The following NDRG4 variants were observed in gnomAD, a reference collection of about 807,000 sequenced individuals.
NDRG4 encodes NDRG family member 4, also known as protein NDRG4.
NDRG4 carries 38 observed loss-of-function variants against 55.8 expected under a neutral mutation model. The ratio of observed to expected loss-of-function variants is 0.68; its 90% confidence interval spans 0.53 to 0.89. The LOEUF is 0.89. Among genes scored for constraint, NDRG4 ranks in the 40% least tolerant of loss-of-function variants. The pLI, the probability that NDRG4 is intolerant of heterozygous loss-of-function variation, is 0.00. For synonymous variants in NDRG4, 190 were observed against 182.7 expected, an observed-to-expected ratio of 1.04 and a Z score of -0.32; for missense variants, 455 against 468.6, an observed-to-expected ratio of 0.97 and a Z score of 0.27.
rs1597018063 is a variant in NDRG4 at position 58,466,467 on chromosome 16, C to T, written c.-24+2670C>T. 3.9e-5 allele frequency among the ~76,000 whole-genome samples: 6 copies of T among 152,214 alleles called. No homozygotes were observed. The South Asian group carries it at 1.0e-3, about 26-fold the overall frequency. On this transcript the variant is annotated intron_variant, in intron 1 of 15. Coordinates refer to the NDRG4 transcript ENST00000258187. ...GCAGGGGTCTAGGCTTTGGAGACCC[C>T]ATGCACTGTTCTCTCATCTCCTGGA... is the stretch of plus-strand genomic sequence containing the variant.
intron 1 of NDRG4, among the ~76,000 whole-genome samples, chr16:58,469,236 G>A (rs2032312483): frequency 2.0e-5 from 3 of 152,068 alleles, no homozygotes; most frequent in Admixed American, 2.0e-4. Context: ...GCAGGACCCT[G>A]GATCCTCATT....
At chr16:58,501,182 C>A (rs557672184) in intron 1 of NDRG4, 2 of 690,842 alleles carry the variant, frequency 2.9e-6, no homozygotes, top group African/African-American at 1.8e-5. Context: ...CGATAGGTCA[C>A]CCCGCACGCA....
chr16:58,510,140 G>A (rs1464179416), intron 13 of NDRG4, among the ~76,000 whole-genome samples: 1 of 152,234 alleles, frequency 6.6e-6, no homozygotes, highest in Non-Finnish European at 1.5e-5. Flanking sequence ...GGAAGGCTGG[G>A]GAGGACACCC....
chr16:58,481,107 C>T (rs897175162), intron 1 of NDRG4, among the ~76,000 whole-genome samples: 2 of 151,948 alleles, frequency 1.3e-5, no homozygotes, highest in Admixed American at 6.6e-5. Flanking sequence ...ACTTACCAGT[C>T]GTAATACCTT....
intron 1 of NDRG4, 134 bp downstream of exon 1, chr16:58,500,403 T>G: frequency 8.1e-7 from 1 of 1,234,514 alleles, no homozygotes; most frequent in South Asian, 1.5e-5. Context: ...CACCCTGGGG[T>G]CACTGAGACA....
In NDRG4 at chr16:58,466,085, C is replaced by T. The variant is rs553159461; in HGVS notation, c.-24+2288C>T. 2.6e-5 allele frequency among the ~76,000 whole-genome samples: 4 copies of T among 152,296 alleles called. No homozygotes were observed. In the East Asian group the frequency reaches 7.7e-4, roughly 29 times the overall value. Reference sequence around the variant, plus strand: ...AGGCTGGAGTGCAGTGGCACAGTCTCGGCTCCCTGCAGCGTCCGTCTCCCA... The same window carrying T: ...AGGCTGGAGTGCAGTGGCACAGTCTTGGCTCCCTGCAGCGTCCGTCTCCCA... On this transcript the variant is annotated intron_variant, in intron 1 of 15. Coordinates refer to the NDRG4 transcript ENST00000258187.
Position 58,500,162 on chromosome 16 carries a change from A to G in NDRG4, c.-87A>G, listed in dbSNP as rs1442823949. The G allele has an allele frequency of 3.9e-6, 6 of 1,535,376 alleles. No homozygotes were observed. The highest frequency in any genetic ancestry group is 5.2e-6 in the Non-Finnish European group (6 of 1,146,558). On this transcript the variant is annotated 5_prime_UTR_variant, in exon 1 of 15. Transcript: ENST00000570248. ...CCCATCACAGAGCCGACCATCTCCCACTCGAGCTGCCCCCGCCCTCTGGAC... is the reference window on the plus strand; with the variant it reads ...CCCATCACAGAGCCGACCATCTCCCGCTCGAGCTGCCCCCGCCCTCTGGAC...
At chr16:58,514,861 T>G (rs1035041255), downstream of NDRG4, among the ~76,000 whole-genome samples, 6 of 151,962 alleles carry the variant, frequency 3.9e-5, no homozygotes, top group East Asian at 1.2e-3. Context: ...TTTTCTTACA[T>G]TTAACAGCAT....
chr16:58,470,972 A>G (rs1025080042), intron 1 of NDRG4, among the ~76,000 whole-genome samples: 2 of 150,772 alleles, frequency 1.3e-5, no homozygotes, highest in African/African-American at 2.4e-5. Flanking sequence ...AGGTGATATG[A>G]TTGCTTCAGC....
chr16:58,507,667 G>A (rs985925038), intron 8 of NDRG4, 141 bp from the exon 9 acceptor site: 36 of 797,610 alleles, frequency 4.5e-5, no homozygotes, highest in Admixed American at 2.9e-4. Context: ...CCAAAAAGCC[G>A]TGACAGGGAG....
chr16:58,475,103 G>A lies in NDRG4; in HGVS notation c.-24+11306G>A, dbSNP rs1451888516. Among the ~76,000 whole-genome samples the A allele has an allele frequency of 2.0e-5, 3 of 152,316 alleles. No homozygotes were observed. The East Asian group carries it at 5.8e-4, about 29-fold the overall frequency. On this transcript the variant is annotated intron_variant, in intron 1 of 15. Coordinates refer to the NDRG4 transcript ENST00000258187. ...GACTGTATTGCAGACTCCTGTGCCA[G>A]AGAAGTTTCATTGACTCAGTTTACC...
At chr16:58,489,820 TTCTG>T (rs2035560422) in intron 2 of NDRG4, among the ~76,000 whole-genome samples, 2 of 152,010 alleles carry the variant, frequency 1.3e-5, no homozygotes, top group African/African-American at 2.4e-5. Context: ...GTGTCTTTCT[TTCTG>T]TCTTTTCCTT....
chr16:58,495,102 C>G (rs980277648), intron 3 of NDRG4: 1 of 1,229,454 alleles, frequency 8.1e-7, no homozygotes, highest in Non-Finnish European at 1.2e-6. Flanking sequence ...CACAGCCCTT[C>G]TGTGTGCCCC....
intron 1 of NDRG4, chr16:58,475,735 A>G (rs1005277584): frequency 2.7e-5 from 12 of 449,314 alleles, no homozygotes; most frequent in Admixed American, 4.8e-5. Flanking sequence ...TGGCTGTTCA[A>G]GCTCCTGCCA....
Position 58,507,846 on chromosome 16 carries a change from C to T in NDRG4, c.659C>T (p.Pro220Leu). The part of the protein sequence containing the change: ...DLDINRPGTV[P>L]NAKTLRCPVM... ...GACATTAACCGGCCTGGAACGGTGC[C>T]CAATGCCAAGACGCTCCGGTGAGTG... The change falls in exon 9 of 15, where the codon CCC becomes CTC. Residue 220 changes from proline (P) to leucine (L), a missense_variant. Coordinates refer to ENST00000570248, the MANE Select transcript of NDRG4 (RefSeq NM_001242835.2). The T allele has an allele frequency of 3.7e-6, 6 of 1,614,036 alleles. No individual in the cohort carries two copies. The highest frequency in any genetic ancestry group is 2.5e-6 in the Non-Finnish European group (3 of 1,180,010).
At chr16:58,506,501 G>A in intron 6 of NDRG4, 28 bp downstream of exon 6, 1 of 1,605,672 alleles carries the variant, frequency 6.2e-7, no homozygotes, top group South Asian at 1.1e-5. Context: ...GGGTGGGGTG[G>A]GTATACCTAG....
At chr16:58,506,011 G>A (rs1049459401) in intron 5 of NDRG4, 8 of 345,598 alleles carry the variant, frequency 2.3e-5, no homozygotes, top group Admixed American at 4.4e-5. Context: ...CGTGAGCCAC[G>A]GCGCCTGGCC....
chr16:58,510,023 G>C (rs2038598599), intron 13 of NDRG4, among the ~76,000 whole-genome samples: 1 of 152,100 alleles, frequency 6.6e-6, no homozygotes, highest in Non-Finnish European at 1.5e-5. Flanking sequence ...GTTCCTCCAG[G>C]TCCCCACTGC....
In NDRG4 at chr16:58,506,429, A is replaced by G; in HGVS notation, c.415A>G (p.Ile139Val). Residue 139 changes from isoleucine to valine, a missense_variant, in exon 6 of 15, where the codon ATC (isoleucine) becomes GTC (valine). Physicochemically the swap from Ile to Val is conservative, Grantham distance 29. Coordinates refer to ENST00000570248, the MANE Select transcript of NDRG4 (RefSeq NM_001242835.2). ...GGTGGAGGGGCTGGTGCTGGTGAAC[A>G]TCGACCCCAATGGCAAAGGCTGGAT... Reference protein sequence around the residue: ...DLVEGLVLVNIDPNGKGWIDW... With the variant: ...DLVEGLVLVNVDPNGKGWIDW... 1 of 1,613,234 alleles carries G rather than the reference A, an allele frequency of 6.2e-7. No individual in the cohort carries two copies. Among genetic ancestry groups the G allele is most frequent in the African/African-American group, 1.3e-5 (1 of 74,794 alleles).
Sources: gnomAD v4.1 joint callset for allele counts (sites outside exome capture counted in the v4.1 genomes callset) on GRCh38, gnomAD v4.1.1 for gene constraint, MANE v1.5 for transcripts, NCBI Gene and HGNC (gene_info 2026-07-23, HGNC 2026-07-21) for gene names.